CECR2: variants seen among roughly 807,000 people sequenced by gnomAD.
CECR2 encodes chromatin remodeling regulator CECR2.
A neutral mutation model predicts 154.5 loss-of-function variants in CECR2; 30 were observed. That is an observed-to-expected ratio of 0.19 (90% CI 0.15 to 0.26). CECR2 has a LOEUF of 0.26. CECR2 is among the 10% of genes least tolerant of loss of function. The pLI, the probability that CECR2 is intolerant of heterozygous loss-of-function variation, is 1.00. For synonymous variants in CECR2, 725 were observed against 683.7 expected (o/e 1.06, Z -0.94); for missense variants, 1,743 against 1,829.3 (o/e 0.95, Z 0.86).
chr22:17,519,385 G>A (rs1056590808), intron 8 of CECR2, among the ~76,000 whole-genome samples: 2 of 149,396 alleles, frequency 1.3e-5, no homozygotes, highest in Non-Finnish European at 3.0e-5. Context: ...TCTGCCTCCC[G>A]AGTAGCTGGG....
At position 17,405,514 on chromosome 22, in the gene CECR2, C is replaced by T. The variant is rs1285436896; in HGVS notation, c.126+35605C>T. On this transcript the variant is annotated intron_variant, in intron 1 of 18. Coordinates refer to ENST00000262608, the MANE Select transcript of CECR2 (RefSeq NM_001290047.2). The stretch of plus-strand genomic sequence containing the variant: ...AATTAGACGGGTGTGGTGGCTGCCG[C>T]CTGTGATCCCAGCTACTCCAGAGGC... Among the ~76,000 whole-genome samples, 9 of 149,918 alleles carry T rather than the reference C, an allele frequency of 6.0e-5. No individual in the cohort carries two copies. The East Asian group carries it at 1.7e-3, about 29-fold the overall frequency.
chr22:17,521,141 C>T (rs1015242889), intron 8 of CECR2, among the ~76,000 whole-genome samples: 22 of 152,160 alleles, frequency 1.4e-4, no homozygotes, highest in Non-Finnish European at 2.2e-4. Context: ...TTCTAACTGG[C>T]GTGAGATGGT....
intron 1 of CECR2, among the ~76,000 whole-genome samples, chr22:17,380,899 C>G (rs1022945844): frequency 2.0e-4 from 31 of 152,210 alleles, no homozygotes; most frequent in African/African-American, 5.5e-4. Context: ...AACAATGGCA[C>G]TGAGGACAGT....
At chr22:17,416,847 C>A (rs2054162762) in intron 1 of CECR2, among the ~76,000 whole-genome samples, 1 of 152,092 alleles carries the variant, frequency 6.6e-6, no homozygotes, top group South Asian at 2.1e-4. Flanking sequence ...CAATTTGGAA[C>A]CTTAGATTGT....
chr22:17,435,642 C>T (rs2054491980), intron 1 of CECR2, among the ~76,000 whole-genome samples: 1 of 135,188 alleles, frequency 7.4e-6, no homozygotes, highest in Non-Finnish European at 1.5e-5. Flanking sequence ...CAAACACATT[C>T]TAGGGAGTCT....
chr22:17,417,536 C>G (rs1193383085), intron 1 of CECR2, among the ~76,000 whole-genome samples: 2 of 152,182 alleles, frequency 1.3e-5, no homozygotes, highest in Admixed American at 6.5e-5. Flanking sequence ...TCAGGCTGCC[C>G]TCCAACTCAT....
chr22:17,510,063 C>CT (rs2055915134), intron 7 of CECR2, among the ~76,000 whole-genome samples: 1 of 152,100 alleles, frequency 6.6e-6, no homozygotes, highest in Non-Finnish European at 1.5e-5. Flanking sequence ...GCTTTATAAA[C>CT]TTTAATTTCT....
At chr22:17,517,688 T>C (rs1601500036) in intron 8 of CECR2, among the ~76,000 whole-genome samples, 1 of 152,236 alleles carries the variant, frequency 6.6e-6, no homozygotes, top group African/African-American at 2.4e-5. Flanking sequence ...CTAGCATTGC[T>C]TTTCAGCCTA....
intron 1 of CECR2, among the ~76,000 whole-genome samples, chr22:17,360,675 T>A (rs2146418460): frequency 7.2e-6 from 1 of 139,622 alleles, no homozygotes; most frequent in South Asian, 2.2e-4. Flanking sequence ...AGACTCCATC[T>A]CGGAAAAAAA....
chr22:17,511,962 C>T, intron 8 of CECR2, 66 bp downstream of exon 8: 1 of 1,183,498 alleles, frequency 8.4e-7, no homozygotes, highest in Non-Finnish European at 1.2e-6. Flanking sequence ...TTTTCATGTA[C>T]TTCCATTCCT....
intron 1 of CECR2, among the ~76,000 whole-genome samples, chr22:17,420,570 T>C (rs899413563): frequency 6.6e-6 from 1 of 152,208 alleles, no homozygotes; most frequent in Non-Finnish European, 1.5e-5. Context: ...GTGTTATTTA[T>C]TGAGCATAGC....
chr22:17,408,033 T>G (rs2054011335), intron 1 of CECR2, among the ~76,000 whole-genome samples: 1 of 152,218 alleles, frequency 6.6e-6, no homozygotes, highest in Non-Finnish European at 1.5e-5. Context: ...TTTTTCAAGT[T>G]CATTTGTTAA....
Position 17,456,622 on chromosome 22 carries a change from G to A in CECR2, c.127-20966G>A, listed in dbSNP as rs73157547. Among the ~76,000 whole-genome samples, 372 of 152,184 alleles carry A rather than the reference G, an allele frequency of 2.4e-3. 4 individuals carry two copies. The highest frequency in any genetic ancestry group is 7.3e-3 in the South Asian group (35 of 4,822). On this transcript the variant is annotated intron_variant, in intron 1 of 18. Transcript: ENST00000262608. ...CACAAAGTATAATTGAGAAATTCCT[G>A]TTTTCCTCAGAAAATTTTCAGAAAC...
chr22:17,400,115 A>G (rs1232941338), intron 1 of CECR2, among the ~76,000 whole-genome samples: 3 of 152,072 alleles, frequency 2.0e-5, no homozygotes, highest in African/African-American at 7.2e-5. Context: ...TAGTTTCCTC[A>G]TTTTCCTTCC....
intron 7 of CECR2, among the ~76,000 whole-genome samples, chr22:17,506,901 C>A (rs2055857627): frequency 6.6e-6 from 1 of 152,154 alleles, no homozygotes; most frequent in Non-Finnish European, 1.5e-5. Flanking sequence ...GTGATCCACC[C>A]ACCTTGGCCT....
rs199829033 is a variant in CECR2, at chr22:17,542,756, G to T, written c.2613G>T (p.Arg871=). 2.1e-3 allele frequency: 3,397 copies of T among 1,613,986 alleles called. 3 individuals carry two copies. The highest frequency in any genetic ancestry group is 2.7e-3 in the Non-Finnish European group (3,184 of 1,179,888). ...SLFGAPAQAL[R]GVQGGDSMMD... is the part of the protein sequence containing the mutation. ...TTGGAGCACCTGCCCAGGCTCTTCG[G>T]GGGGTGCAGGGAGGGGACTCCATGA... Residue 871 remains arginine (R), a synonymous_variant, in exon 16 of 19, where the codon CGG becomes CGT. Coordinates refer to ENST00000262608, the MANE Select transcript of CECR2 (RefSeq NM_001290047.2).
At chr22:17,379,376 A>G (rs2063158182) in intron 1 of CECR2, among the ~76,000 whole-genome samples, 1 of 152,190 alleles carries the variant, frequency 6.6e-6, no homozygotes, top group Non-Finnish European at 1.5e-5. Flanking sequence ...CCCCTACAAA[A>G]GGCCTCCCTG....
chr22:17,468,246 T>TA (rs1046325796), intron 1 of CECR2, among the ~76,000 whole-genome samples: 1 of 152,160 alleles, frequency 6.6e-6, no homozygotes, highest in South Asian at 2.1e-4. Context: ...TCAAGGTGTC[T>TA]AAAAGGAAAT....
chr22:17,381,238 A>G (rs541991896), intron 1 of CECR2, among the ~76,000 whole-genome samples: 8 of 152,300 alleles, frequency 5.3e-5, no homozygotes, highest in Non-Finnish European at 7.4e-5. Context: ...TGCTTTTCAC[A>G]TTGGTTCTGA....
Sources: gnomAD v4.1 joint callset for allele counts (sites outside exome capture counted in the v4.1 genomes callset) on GRCh38, gnomAD v4.1.1 for gene constraint, MANE v1.5 for transcripts, NCBI Gene and HGNC (gene_info 2026-07-23, HGNC 2026-07-21) for gene names.